ZNF385B: variants seen among roughly 807,000 people sequenced by gnomAD.
The protein encoded by ZNF385B is zinc finger protein 533.
ZNF385B carries 23 observed loss-of-function variants against 39.2 expected under a neutral mutation model. The observed-to-expected ratio is 0.59, with a 90% confidence interval of 0.42 to 0.83. The LOEUF is 0.83. Among genes scored for constraint, ZNF385B ranks in the 40% least tolerant of loss-of-function variants. The pLI is 0.00. For synonymous variants in ZNF385B, 205 were observed against 222.6 expected, an observed-to-expected ratio of 0.92 and a Z score of 0.70; for missense variants, 552 against 598.9, an observed-to-expected ratio of 0.92 and a Z score of 0.82.
rs1366543331 is a variant in ZNF385B at position 179,483,367 on chromosome 2, T to C, written c.620A>G (p.Lys207Arg). Reference protein sequence around the residue: ...AKKVKALDATKNKPKMVPSKD... With the variant: ...AKKVKALDATRNKPKMVPSKD... ...GGAAGGAACCATTTTGGGTTTATTT[T>C]TCGTTGCGTCTAGTGCTTTGACCTT... is the stretch of plus-strand genomic sequence containing the variant. The change falls in exon 6 of 10, where the codon AAA becomes AGA. Residue 207 changes from lysine (K) to arginine (R), a missense_variant. Coordinates refer to ENST00000410066, the MANE Select transcript of ZNF385B (RefSeq NM_152520.6). 6.2e-7 allele frequency: 1 copy of C among 1,614,092 alleles called. No homozygotes were observed. The highest frequency in any genetic ancestry group is 8.5e-7 in the Non-Finnish European group (1 of 1,179,962).
In ZNF385B at chr2:179,505,775, G is replaced by A. The variant is rs1013546842; in HGVS notation, c.552+12753C>T. Among the ~76,000 whole-genome samples, 13 of 152,054 alleles carry A rather than the reference G, an allele frequency of 8.5e-5. 1 individual carries two copies. In the Middle Eastern group the frequency reaches 0.01, roughly 119 times the overall value. On this transcript the variant is annotated intron_variant, in intron 5 of 9. Transcript: ENST00000410066. ...CTGGTATACGGAAGGTAGGGATGTG[G>A]GACAGTTCACTTCAGGTGCAGGAAA... is the stretch of plus-strand genomic sequence containing the variant.
intron 1 of ZNF385B, among the ~76,000 whole-genome samples, chr2:179,777,240 G>A (rs561603741): frequency 1.3e-5 from 2 of 152,114 alleles, no homozygotes; most frequent in African/African-American, 2.4e-5. Context: ...AATTGTATAT[G>A]TGTATTTCAG....
At chr2:179,652,643 T>C (rs1693298790) in intron 3 of ZNF385B, among the ~76,000 whole-genome samples, 1 of 152,164 alleles carries the variant, frequency 6.6e-6, no homozygotes, top group Non-Finnish European at 1.5e-5. Context: ...GTTATTTGCA[T>C]ATCTGCTTTT....
At chr2:179,757,025 G>C (rs1404725771) in intron 3 of ZNF385B, among the ~76,000 whole-genome samples, 2 of 152,180 alleles carry the variant, frequency 1.3e-5, no homozygotes, top group Non-Finnish European at 2.9e-5. Context: ...TTCCTTTGGA[G>C]GGGGAGAGGT....
rs1315625216 is a variant in ZNF385B at position 179,562,580 on chromosome 2, C to T, written c.299-17611G>A. ...TACGTCCTGTAATTGCCGCTTAGCT[C>T]TAATTACTATTGAGGATCGTGTTTG... On this transcript the variant is annotated intron_variant, in intron 3 of 9. Coordinates refer to ENST00000410066, the MANE Select transcript of ZNF385B (RefSeq NM_152520.6). The T allele has an allele frequency of 1.4e-5, 14 of 985,246 alleles. No individual in the cohort carries two copies. In the African/African-American group the frequency reaches 2.4e-4, roughly 17 times the overall value. 61.0% of individuals were successfully genotyped at this position (985,246 alleles called of 1,614,324 possible). A position where few individuals can be genotyped will look rare whatever the true frequency, so the allele number is the denominator to read the frequency against.
intron 1 of ZNF385B, among the ~76,000 whole-genome samples, chr2:179,825,793 GA>G (rs1707646716): frequency 6.6e-6 from 1 of 152,100 alleles, no homozygotes; most frequent in Non-Finnish European, 1.5e-5. Context: ...CATTTTCAAG[GA>G]AATGAGGGAG....
intron 1 of ZNF385B, among the ~76,000 whole-genome samples, chr2:179,848,510 C>A (rs950950800): frequency 6.6e-6 from 1 of 152,168 alleles, no homozygotes; most frequent in African/African-American, 2.4e-5. Flanking sequence ...TATAAGGTGT[C>A]TATTTATTGT....
intron 3 of ZNF385B, among the ~76,000 whole-genome samples, chr2:179,630,149 A>T (rs1173693719): frequency 6.6e-6 from 1 of 152,252 alleles, no homozygotes; most frequent in African/African-American, 2.4e-5. Flanking sequence ...CTGACAGCTC[A>T]GAAGAGAGCA....
chr2:179,757,964 C>T (rs1703147956), intron 3 of ZNF385B, among the ~76,000 whole-genome samples: 1 of 152,094 alleles, frequency 6.6e-6, no homozygotes, highest in African/African-American at 2.4e-5. Context: ...GCTGCACTCA[C>T]TGTCCCGCAC....
rs531430994 is a variant in ZNF385B, at chr2:179,861,417, C to T, written c.-471G>A. 3 of 150,522 alleles carry T rather than the reference C, an allele frequency of 2.0e-5. No homozygotes were observed. Among genetic ancestry groups the T allele is most frequent in the South Asian group, 3.9e-4 (2 of 5,080 alleles). 9.3% of individuals were successfully genotyped at this position (150,522 alleles called of 1,614,324 possible). A position where few individuals can be genotyped will look rare whatever the true frequency, so the allele number is the denominator to read the frequency against. On this transcript the variant is annotated 5_prime_UTR_variant, in exon 1 of 10. Coordinates refer to ENST00000410066, the MANE Select transcript of ZNF385B (RefSeq NM_152520.6). ...CTCGCCCAGGTGAGGGGCGTGTGCC[C>T]GGAGCCCGCTGGGCGCGCCCGGCCC... is the stretch of plus-strand genomic sequence containing the variant.
intron 6 of ZNF385B, among the ~76,000 whole-genome samples, chr2:179,465,663 A>G (rs2051915425): frequency 6.6e-6 from 1 of 152,124 alleles, no homozygotes; most frequent in African/African-American, 2.4e-5. Context: ...AGCATTTACT[A>G]TGTGCCACTA....
intron 3 of ZNF385B, among the ~76,000 whole-genome samples, chr2:179,672,787 G>A (rs144586501): frequency 2.6e-5 from 4 of 152,158 alleles, no homozygotes; most frequent in Non-Finnish European, 5.9e-5. Context: ...GGAATTCCCA[G>A]CCTCAGAACT....
At chr2:179,756,471 CT>C (rs1312282841) in intron 3 of ZNF385B, among the ~76,000 whole-genome samples, 1 of 152,152 alleles carries the variant, frequency 6.6e-6, no homozygotes, top group Non-Finnish European at 1.5e-5. Context: ...AGTTGCTCTT[CT>C]CAAGGAGTAT....
Position 179,444,880 on chromosome 2 carries a change from A to T in ZNF385B, c.1238T>A (p.Leu413Gln). The T allele has an allele frequency of 6.2e-7, 1 of 1,614,024 alleles. No individual in the cohort carries two copies. The highest frequency in any genetic ancestry group is 1.3e-5 in the African/African-American group (1 of 75,062). ...YNKLQRSPSI[L>Q]AAKLAFQKDM... ...GAGCAGGTGAGGTAAACTTACTGCT[A>T]GAATACTCGGGCTCCGCTGGAGTTT... is the stretch of plus-strand genomic sequence containing the variant. The change falls in exon 9 of 10, where the codon CTA becomes CAA. Residue 413 changes from leucine (L) to glutamine (Q), a missense_variant. Physicochemically the swap from Leu to Gln is moderately radical, Grantham distance 113 (BLOSUM62 -2). Coordinates refer to ENST00000410066, the MANE Select transcript of ZNF385B (RefSeq NM_152520.6).
intron 6 of ZNF385B, among the ~76,000 whole-genome samples, chr2:179,463,735 C>T (rs2051642494): frequency 6.6e-6 from 1 of 152,184 alleles, no homozygotes. Context: ...GCCACATTTT[C>T]TTTATCCAGT....
chr2:179,600,746 T>G (rs1688345871), intron 3 of ZNF385B, among the ~76,000 whole-genome samples: 1 of 152,218 alleles, frequency 6.6e-6, no homozygotes, highest in African/African-American at 2.4e-5. Flanking sequence ...CATTTGTCAG[T>G]CTTAACTACT....
In ZNF385B at chr2:179,503,719, C is replaced by T. The variant is rs1362986855; in HGVS notation, c.552+14809G>A. Reference sequence around the variant, plus strand: ...TTCAATTCCCACCTATGAGTGAGAACATGCGGTGTTTGTTTTTTTGTCCTT... The same window carrying T: ...TTCAATTCCCACCTATGAGTGAGAATATGCGGTGTTTGTTTTTTTGTCCTT... On this transcript the variant is annotated intron_variant, in intron 5 of 9. Coordinates refer to ENST00000410066, the MANE Select transcript of ZNF385B (RefSeq NM_152520.6). Among the ~76,000 whole-genome samples, 16 of 148,062 alleles carry T rather than the reference C, an allele frequency of 1.1e-4. No individual in the cohort carries two copies. In the East Asian group the frequency reaches 1.4e-3, roughly 13 times the overall value.
chr2:179,833,554 G>C (rs548790656), intron 1 of ZNF385B, among the ~76,000 whole-genome samples: 1 of 152,102 alleles, frequency 6.6e-6, no homozygotes, highest in Non-Finnish European at 1.5e-5. Flanking sequence ...CCCTTATGCC[G>C]TTTGATAAAG....
intron 3 of ZNF385B, among the ~76,000 whole-genome samples, chr2:179,765,196 T>C (rs1454944134): frequency 6.6e-6 from 1 of 152,228 alleles, no homozygotes; most frequent in Admixed American, 6.5e-5. Flanking sequence ...CTTTCCATTG[T>C]TCTTTCTTCT....
Sources: gnomAD v4.1 joint callset for allele counts (sites outside exome capture counted in the v4.1 genomes callset) on GRCh38, gnomAD v4.1.1 for gene constraint, MANE v1.5 for transcripts, NCBI Gene and HGNC (gene_info 2026-07-23, HGNC 2026-07-21) for gene names.